Variants in CNST observed in about 807,000 individuals in gnomAD.
The protein encoded by CNST is consortin.
A neutral mutation model predicts 72.4 loss-of-function variants in CNST; 39 were observed. The observed-to-expected ratio is 0.54, with a 90% CI of 0.42 to 0.70. The LOEUF (loss-of-function observed/expected upper bound fraction) is 0.70. Ranked by LOEUF, CNST falls within the 30% of genes least tolerant of loss-of-function variation. CNST has a pLI of 0.00. For synonymous variants in CNST, 332 were observed against 320.1 expected, an observed-to-expected ratio of 1.04 and a Z score of -0.40; for missense variants, 871 against 868.5, an observed-to-expected ratio of 1.00 and a Z score of -0.04.
At chr1:246,619,077 T>C (rs1663878922) in intron 2 of CNST, among the ~76,000 whole-genome samples, 1 of 151,686 alleles carries the variant, frequency 6.6e-6, no homozygotes, top group African/African-American at 2.4e-5. Context: ...AACAGAAGAA[T>C]AGAATTTGGG....
At chr1:246,647,100 GT>G in intron 8 of CNST, 38 bp from the exon 9 acceptor site, 2 of 1,561,174 alleles carry the variant, frequency 1.3e-6, no homozygotes, top group East Asian at 2.2e-5. Context: ...ACAAAGTGTT[GT>G]TTTGAATTTT....
At chr1:246,650,200 C>CA (rs1267288571) in intron 9 of CNST, among the ~76,000 whole-genome samples, 24 of 152,286 alleles carry the variant, frequency 1.6e-4, no homozygotes, top group Admixed American at 8.5e-4. Context: ...TCCTCAGACT[C>CA]AAAACACAAT....
chr1:246,611,946 A>G (rs555670419), intron 2 of CNST, among the ~76,000 whole-genome samples: 1 of 152,360 alleles, frequency 6.6e-6, no homozygotes, highest in South Asian at 2.1e-4. Context: ...GATGGATGCT[A>G]CAGCACAGAT....
At chr1:246,640,381 A>G (rs183289704) in intron 6 of CNST, among the ~76,000 whole-genome samples, 362 of 152,308 alleles carry the variant, frequency 2.4e-3, no homozygotes, top group Non-Finnish European at 4.2e-3. Context: ...TCTAACCAAA[A>G]TCTTGCAGAA....
chr1:246,660,157 C>A (rs376791589), intron 9 of CNST, 42 bp from the exon 10 acceptor site: 2 of 1,553,650 alleles, frequency 1.3e-6, no homozygotes, highest in African/African-American at 1.4e-5. Context: ...AGAGATGTCC[C>A]GCCTTAATAA....
In CNST at chr1:246,641,651, A is replaced by C. The variant is rs1665696162; in HGVS notation, c.819-98A>C. Reference sequence around the variant, plus strand: ...CTGTGCTAATATTAGAATCCAGAGAAGCTGTATTTTTTTATAGCCATTTCA... The same window carrying C: ...CTGTGCTAATATTAGAATCCAGAGACGCTGTATTTTTTTATAGCCATTTCA... On this transcript the variant is annotated intron_variant, in intron 6 of 10. Coordinates refer to ENST00000366513, the MANE Select transcript of CNST (RefSeq NM_152609.3). 1.2e-4 allele frequency: 86 copies of C among 709,844 alleles called. 2 individuals carry two copies. In the South Asian group the frequency reaches 1.3e-3, roughly 10 times the overall value. The allele number at this position is 709,844 out of a possible 1,614,324, so 44.0% of individuals were successfully genotyped here.
chr1:246,612,289 C>T (rs796726676), intron 2 of CNST, among the ~76,000 whole-genome samples: 1 of 152,344 alleles, frequency 6.6e-6, no homozygotes, highest in African/African-American at 2.4e-5. Context: ...GCAACCTCCA[C>T]CTCCCAGGTT....
At chr1:246,621,362 T>C (rs1177349140) in intron 2 of CNST, 67 bp from the exon 3 acceptor site, 8 of 1,232,078 alleles carry the variant, frequency 6.5e-6, no homozygotes, top group Non-Finnish European at 7.1e-6. Context: ...CTATATGTAA[T>C]TGTTTTAATG....
At chr1:246,582,967 C>T (rs992991665) in intron 1 of CNST, among the ~76,000 whole-genome samples, 5 of 152,214 alleles carry the variant, frequency 3.3e-5, no homozygotes, top group African/African-American at 1.2e-4. Context: ...GTCTGAGAAA[C>T]GCAGGGACCT....
At chr1:246,615,383 G>T (rs932143795) in intron 2 of CNST, among the ~76,000 whole-genome samples, 1 of 151,896 alleles carries the variant, frequency 6.6e-6, no homozygotes, top group Non-Finnish European at 1.5e-5. Flanking sequence ...CACCGTGTTA[G>T]CCAGGATGGT....
chr1:246,634,412 G>GTTT, intron 5 of CNST, 61 bp from the exon 6 acceptor site: 1 of 988,124 alleles, frequency 1.0e-6, no homozygotes, highest in Non-Finnish European at 1.5e-6. Context: ...CTGTTTGTTT[G>GTTT]TTTTTTTGCT....
At chr1:246,600,941 A>C (rs1662248261) in intron 2 of CNST, among the ~76,000 whole-genome samples, 1 of 152,236 alleles carries the variant, frequency 6.6e-6, no homozygotes, top group Admixed American at 6.5e-5. Context: ...AATAAGAATT[A>C]GGATGTGAAT....
At position 246,647,679 on chromosome 1, in the gene CNST, A is replaced by T. The variant is rs1666188770; in HGVS notation, c.1478A>T (p.Asp493Val). 1 of 1,614,214 alleles carries T rather than the reference A, an allele frequency of 6.2e-7. No individual in the cohort carries two copies. The highest frequency in any genetic ancestry group is 1.1e-5 in the South Asian group (1 of 91,084). Residue 493 changes from aspartate to valine, a missense_variant, in exon 9 of 11, where the codon GAT (aspartate) becomes GTT (valine). Physicochemically the swap from Asp to Val is radical, Grantham distance 152 (BLOSUM62 -3). Transcript: ENST00000366513. The stretch of plus-strand genomic sequence containing the variant: ...CAGCAGCCTGATCTTACAGACAGTG[A>T]TGGAAAATCACCACAGGCGCAGGCT... Reference protein sequence around the residue: ...ELQQPDLTDSDGKSPQAQADS... With the variant: ...ELQQPDLTDSVGKSPQAQADS...
intron 2 of CNST, among the ~76,000 whole-genome samples, chr1:246,599,500 T>C (rs912466261): frequency 2.2e-4 from 34 of 152,190 alleles, no homozygotes; most frequent in African/African-American, 7.7e-4. Context: ...TGAGCTCAAG[T>C]CCTCACATTG....
At chr1:246,617,240 A>G (rs1348500178) in intron 2 of CNST, among the ~76,000 whole-genome samples, 3 of 152,256 alleles carry the variant, frequency 2.0e-5, no homozygotes, top group Non-Finnish European at 2.9e-5. Context: ...TAAAATGTGA[A>G]AAAATATATA....
intron 1 of CNST, among the ~76,000 whole-genome samples, chr1:246,579,550 C>T (rs542363921): frequency 1.1e-4 from 17 of 152,202 alleles, no homozygotes; most frequent in Non-Finnish European, 1.8e-4. Context: ...AGGAGGATCA[C>T]TTGAGCCCAG....
At chr1:246,647,016 C>A in intron 8 of CNST, 123 bp from the exon 9 acceptor site, 1 of 870,852 alleles carries the variant, frequency 1.1e-6, no homozygotes, top group Non-Finnish European at 1.7e-6. Flanking sequence ...ATGCAACAGA[C>A]AGAATTTCCA....
intron 2 of CNST, among the ~76,000 whole-genome samples, chr1:246,593,775 A>G (rs944683615): frequency 3.3e-5 from 5 of 151,452 alleles, no homozygotes; most frequent in Admixed American, 1.3e-4. Flanking sequence ...ATTTTATTTT[A>G]TTTTCAAGAC....
intron 1 of CNST, among the ~76,000 whole-genome samples, chr1:246,577,691 G>A (rs2103007551): frequency 6.6e-6 from 1 of 152,192 alleles, no homozygotes; most frequent in South Asian, 2.1e-4. Flanking sequence ...AATGTGAGGT[G>A]AACCTTTCAA....
Sources: gnomAD v4.1 joint callset for allele counts (sites outside exome capture counted in the v4.1 genomes callset) on GRCh38, gnomAD v4.1.1 for gene constraint, MANE v1.5 for transcripts, NCBI Gene and HGNC (gene_info 2026-07-23, HGNC 2026-07-21) for gene names.